The following HACD1 variants were observed in gnomAD, a reference collection of about 807,000 sequenced individuals.
HACD1 encodes very-long-chain (3R)-3-hydroxyacyl-CoA dehydratase 1.
In HACD1, 41 loss-of-function variants were observed where a neutral mutation model predicts 32.0. That is an observed-to-expected ratio of 1.28 (90% confidence interval 1.00 to 1.66). The LOEUF is 1.66. Ranked by LOEUF, HACD1 falls within the 40% of genes most tolerant of loss-of-function variation. The probability of loss-of-function intolerance (pLI) is 0.00; values close to 1 mark genes in which losing one functional copy is unlikely to be tolerated. For synonymous variants in HACD1, 142 were observed against 139.0 expected, an observed-to-expected ratio of 1.02 and a Z score of -0.15; for missense variants, 396 against 380.1, an observed-to-expected ratio of 1.04 and a Z score of -0.35.
chr10:17,606,184 A>G (rs554960330), intron 1 of HACD1, among the ~76,000 whole-genome samples: 1 of 152,256 alleles, frequency 6.6e-6, no homozygotes, highest in South Asian at 2.1e-4. Flanking sequence ...AAAACAAGAG[A>G]GAGAGAAAGA....
At chr10:17,599,618 G>A (rs1554816321) in intron 4 of HACD1, among the ~76,000 whole-genome samples, 1 of 152,178 alleles carries the variant, frequency 6.6e-6, no homozygotes, top group Non-Finnish European at 1.5e-5. Flanking sequence ...GAATAGTTGA[G>A]CATAGACTCG....
At chr10:17,608,130 C>A (rs1704488420) in intron 1 of HACD1, among the ~76,000 whole-genome samples, 1 of 152,130 alleles carries the variant, frequency 6.6e-6, no homozygotes, top group Non-Finnish European at 1.5e-5. Context: ...CCACCTCAGC[C>A]TCTCGAGTAG....
chr10:17,608,324 G>C (rs908993162), intron 1 of HACD1, among the ~76,000 whole-genome samples: 3 of 151,924 alleles, frequency 2.0e-5, no homozygotes, highest in Non-Finnish European at 2.9e-5. Context: ...CACTGCGCCT[G>C]GCCAGACTCT....
In HACD1 at chr10:17,608,199, G is replaced by GGT. The variant is rs1554817201; in HGVS notation, c.258-4153_258-4152insAC. Among the ~76,000 whole-genome samples, 81 of 151,614 alleles carry GGT rather than the reference G, an allele frequency of 5.3e-4. No homozygotes were observed. In the South Asian group the frequency reaches 0.011, roughly 20 times the overall value. On this transcript the variant is annotated intron_variant, in intron 1 of 6. Transcript: ENST00000361271. Reference sequence around the variant, plus strand: ...TCATTATTGTTCTTGCTGTTGTGGGGTTTTTTTTAGTAGAGATGGGGTCTC... The same window carrying GGT: ...TCATTATTGTTCTTGCTGTTGTGGGGGTTTTTTTTTAGTAGAGATGGGGTCTC...
intron 1 of HACD1, among the ~76,000 whole-genome samples, chr10:17,609,608 C>A (rs1554817309): frequency 6.6e-6 from 1 of 152,194 alleles, no homozygotes; most frequent in Non-Finnish European, 1.5e-5. Context: ...TCTAAAATTA[C>A]AATGACTGAC....
At chr10:17,592,626 A>G (rs1554815669) in intron 6 of HACD1, among the ~76,000 whole-genome samples, 1 of 152,108 alleles carries the variant, frequency 6.6e-6, no homozygotes, top group South Asian at 2.1e-4. Flanking sequence ...ATTTCCATGG[A>G]GATGCCTCAA....
intron 4 of HACD1, among the ~76,000 whole-genome samples, chr10:17,599,672 C>G (rs1554816327): frequency 6.6e-6 from 1 of 152,190 alleles, no homozygotes; most frequent in Non-Finnish European, 1.5e-5. Flanking sequence ...ACGCTATCAT[C>G]AGAGGACAAT....
intron 5 of HACD1, among the ~76,000 whole-genome samples, chr10:17,595,191 A>T (rs1335517743): frequency 2.6e-5 from 4 of 152,012 alleles, no homozygotes; most frequent in African/African-American, 9.7e-5. Context: ...TGTAATGGTA[A>T]CTTCTTTGGT....
intron 6 of HACD1, 91 bp downstream of exon 6, chr10:17,594,114 T>G (rs1289709679): frequency 8.9e-7 from 1 of 1,127,708 alleles, no homozygotes; most frequent in African/African-American, 1.6e-5. Flanking sequence ...TAAGCAATTA[T>G]TTCTAATTAT....
chr10:17,598,025 C>T (rs1241555421), intron 5 of HACD1, among the ~76,000 whole-genome samples: 2 of 151,840 alleles, frequency 1.3e-5, no homozygotes, highest in South Asian at 2.1e-4. Flanking sequence ...TTAGGGAGGC[C>T]GAGGTGGGTG....
intron 6 of HACD1, among the ~76,000 whole-genome samples, chr10:17,591,256 T>G (rs1344382940): frequency 6.6e-6 from 1 of 152,146 alleles, no homozygotes; most frequent in Non-Finnish European, 1.5e-5. Flanking sequence ...CTATCCTGTT[T>G]TCTCAGGGGT....
intron 4 of HACD1, among the ~76,000 whole-genome samples, chr10:17,601,996 G>A (rs1171827207): frequency 2.0e-5 from 3 of 151,960 alleles, no homozygotes; most frequent in South Asian, 2.1e-4. Context: ...ATCTGTCCTC[G>A]AGTAGACAGG....
intron 6 of HACD1, among the ~76,000 whole-genome samples, chr10:17,591,264 G>A (rs563921477): frequency 6.6e-6 from 1 of 152,202 alleles, no homozygotes; most frequent in African/African-American, 2.4e-5. Flanking sequence ...TTTTCTCAGG[G>A]GTGCGTATAC....
At chr10:17,609,511 C>T (rs1834200105) in intron 1 of HACD1, among the ~76,000 whole-genome samples, 1 of 151,978 alleles carries the variant, frequency 6.6e-6, no homozygotes. Context: ...GCAAGTGAAG[C>T]ACATGAAAAG....
intron 1 of HACD1, chr10:17,616,027 G>A (rs192665214): frequency 1.8e-3 from 365 of 198,388 alleles, no homozygotes; most frequent in Non-Finnish European, 3.1e-3. Context: ...CCAGCACTTT[G>A]GGAGGCCGAG....
At chr10:17,599,204 G>A in intron 5 of HACD1, 86 bp downstream of exon 5, 1 of 1,550,864 alleles carries the variant, frequency 6.4e-7, no homozygotes, top group Non-Finnish European at 8.7e-7. Flanking sequence ...TCGTGGGGCT[G>A]AAACACGAAT....
intron 1 of HACD1, among the ~76,000 whole-genome samples, chr10:17,615,030 G>A (rs782013768): frequency 3.9e-5 from 6 of 152,134 alleles, no homozygotes; most frequent in African/African-American, 4.8e-5. Context: ...GGGATTACAG[G>A]CGTGAGCCAC....
At chr10:17,598,527 CAGAG>C (rs1442462948) in intron 5 of HACD1, among the ~76,000 whole-genome samples, 1 of 152,090 alleles carries the variant, frequency 6.6e-6, no homozygotes, top group Admixed American at 6.6e-5. Flanking sequence ...CATCATAAGA[CAGAG>C]AATTTGTTTT....
Position 17,599,403 on chromosome 10 carries a change from A to G in HACD1, c.492T>C (p.Asn164=). 6.2e-7 allele frequency: 1 copy of G among 1,613,118 alleles called. No individual in the cohort carries two copies. Among genetic ancestry groups the G allele is most frequent in the Non-Finnish European group, 8.5e-7 (1 of 1,179,830 alleles). ...LITHSIKPIQ[N]EESVVLFLVA... is the part of the protein sequence containing the mutation. Reference sequence around the variant, plus strand: ...CCAGAAAAAGCACCACACTCTCTTCATTCTGGATCTGCAGAATTACAGAGA... The same window carrying G: ...CCAGAAAAAGCACCACACTCTCTTCGTTCTGGATCTGCAGAATTACAGAGA... Residue 164 remains asparagine (N), a synonymous_variant, in exon 5 of 7, where the codon AAT becomes AAC. Coordinates refer to ENST00000361271, the MANE Select transcript of HACD1 (RefSeq NM_014241.4).
Sources: allele counts gnomAD v4.1 joint callset (sites outside exome capture counted in the v4.1 genomes callset), GRCh38; gene constraint gnomAD v4.1.1; transcripts MANE v1.5; gene names NCBI Gene and HGNC (gene_info 2026-07-23, HGNC 2026-07-21).